The following RNF138 variants were observed in gnomAD, a reference collection of about 807,000 sequenced individuals.
RNF138 encodes E3 ubiquitin-protein ligase RNF138.
A neutral mutation model predicts 31.0 loss-of-function variants in RNF138; 12 were observed. The observed-to-expected ratio is 0.39, with a 90% CI of 0.25 to 0.63. The LOEUF (loss-of-function observed/expected upper bound fraction) is 0.63. Among genes scored for constraint, RNF138 ranks in the 20% least tolerant of loss-of-function variants. The pLI is 0.52. For missense variants in RNF138, 192 were observed against 300.1 expected (o/e 0.64, Z 2.66); for synonymous variants, 105 against 99.5 (o/e 1.06, Z -0.33).
At chr18:32,095,858 G>A (rs549301137) in intron 2 of RNF138, among the ~76,000 whole-genome samples, 1 of 152,350 alleles carries the variant, frequency 6.6e-6, no homozygotes, top group East Asian at 1.9e-4. Flanking sequence ...CCGCTGGAGA[G>A]ACCTATAAAT....
chr18:32,100,123 A>C (rs959687167), intron 2 of RNF138, among the ~76,000 whole-genome samples: 1 of 152,054 alleles, frequency 6.6e-6, no homozygotes, highest in African/African-American at 2.4e-5. Context: ...GGTGCCTAGC[A>C]CTGTTAGGTG....
chr18:32,099,679 T>G (rs1264831027), intron 2 of RNF138, among the ~76,000 whole-genome samples: 1 of 152,226 alleles, frequency 6.6e-6, no homozygotes, highest in Non-Finnish European at 1.5e-5. Context: ...GTGCTAGGAT[T>G]ACAGGTGTGA....
At chr18:32,097,958 GTGTGTGTGTGTGTGTGTGT>G (rs1271316047) in intron 2 of RNF138, among the ~76,000 whole-genome samples, 1 of 82,166 alleles carries the variant, frequency 1.2e-5, no homozygotes, top group Non-Finnish European at 2.5e-5. Context: ...GTGTGTGTGT[GTGTGTGTGTGTGTGTGTGT>G]TATTTTTGTT....
intron 2 of RNF138, among the ~76,000 whole-genome samples, chr18:32,106,463 ATCTGAT>A (rs1197711044): frequency 2.6e-5 from 4 of 152,190 alleles, no homozygotes; most frequent in African/African-American, 4.8e-5. Context: ...TTTGATGCTA[ATCTGAT>A]TCTCTTTCCT....
intron 2 of RNF138, among the ~76,000 whole-genome samples, chr18:32,106,630 T>C (rs2040033682): frequency 6.6e-6 from 1 of 152,034 alleles, no homozygotes. Flanking sequence ...AGTTGTGCGA[T>C]CTCGGTTCAT....
intron 3 of RNF138, among the ~76,000 whole-genome samples, chr18:32,112,443 T>C (rs143705121): frequency 0.029 from 4,400 of 152,222 alleles, 223 homozygotes; most frequent in African/African-American, 0.1. Flanking sequence ...CCAGCACTTA[T>C]GGGAGGCCAA....
chr18:32,100,250 C>G (rs1456800601), intron 2 of RNF138, among the ~76,000 whole-genome samples: 1 of 150,596 alleles, frequency 6.6e-6, no homozygotes, highest in Non-Finnish European at 1.5e-5. Flanking sequence ...GGGGAAGGAA[C>G]AGTAAAATTG....
chr18:32,093,861 AC>A (rs1363873686), intron 2 of RNF138, among the ~76,000 whole-genome samples: 1 of 152,208 alleles, frequency 6.6e-6, no homozygotes, highest in Non-Finnish European at 1.5e-5. Flanking sequence ...TCCCCGGGGA[AC>A]TTTTTAAGTA....
chr18:32,092,916 G>C, intron 2 of RNF138, 30 bp downstream of exon 2: 1 of 1,363,566 alleles, frequency 7.3e-7, no homozygotes, highest in African/African-American at 1.5e-5. Context: ...CCCTCGCGGA[G>C]CCGGGTTGTC....
rs1305573173 is a variant in RNF138 at position 32,105,754 on chromosome 18, A to T, written c.111-6000A>T. Among the ~76,000 whole-genome samples the T allele has an allele frequency of 2.6e-5, 4 of 152,350 alleles. No homozygotes were observed. The South Asian group carries it at 8.3e-4, about 32-fold the overall frequency. ...TGTCTAAAAGTTAAAAAATTTCCATATCGGAAGACCACAAGCAGCAAGGTT... is the reference window on the plus strand; with the variant it reads ...TGTCTAAAAGTTAAAAAATTTCCATTTCGGAAGACCACAAGCAGCAAGGTT... On this transcript the variant is annotated intron_variant, in intron 2 of 7. Transcript: ENST00000261593.
At chr18:32,120,511 T>C (rs2040286711) in intron 4 of RNF138, among the ~76,000 whole-genome samples, 1 of 152,196 alleles carries the variant, frequency 6.6e-6, no homozygotes, top group African/African-American at 2.4e-5. Context: ...GATTGAATTT[T>C]ATTGGTGTTT....
At chr18:32,125,532 AT>A (rs1484061625) in intron 6 of RNF138, among the ~76,000 whole-genome samples, 1 of 152,200 alleles carries the variant, frequency 6.6e-6, no homozygotes, top group African/African-American at 2.4e-5. Flanking sequence ...ATTTTGATAT[AT>A]AAATAATTGT....
At chr18:32,109,339 A>G (rs2040088800) in intron 2 of RNF138, 2 of 152,042 alleles carry the variant, frequency 1.3e-5, no homozygotes, top group Non-Finnish European at 2.9e-5. Context: ...GGGTTTCACC[A>G]TGTTGCCCAG....
At chr18:32,093,657 G>A (rs1451000650) in intron 2 of RNF138, among the ~76,000 whole-genome samples, 3 of 152,216 alleles carry the variant, frequency 2.0e-5, no homozygotes, top group Non-Finnish European at 4.4e-5. Flanking sequence ...GGAATGAGCC[G>A]AAATTGAGAT....
At chr18:32,122,741 T>G (rs549120398) in intron 4 of RNF138, among the ~76,000 whole-genome samples, 9 of 152,264 alleles carry the variant, frequency 5.9e-5, no homozygotes, top group Admixed American at 5.9e-4. Flanking sequence ...GAAAAATTGC[T>G]CGAACCCAGG....
intron 1 of RNF138, 60 bp from the exon 2 acceptor site, chr18:32,092,640 C>G: frequency 1.5e-6 from 1 of 659,032 alleles, no homozygotes; most frequent in Non-Finnish European, 2.8e-6. Flanking sequence ...GGGCCCCGCC[C>G]CCTTCCTGGC....
chr18:32,117,443 A>G (rs1324930562), intron 4 of RNF138, among the ~76,000 whole-genome samples: 1 of 152,176 alleles, frequency 6.6e-6, no homozygotes, highest in Non-Finnish European at 1.5e-5. Flanking sequence ...AACCTGAAGA[A>G]GAGAGCTGAA....
At chr18:32,100,240 G>C (rs1052451364) in intron 2 of RNF138, among the ~76,000 whole-genome samples, 2 of 150,870 alleles carry the variant, frequency 1.3e-5, no homozygotes, top group African/African-American at 4.9e-5. Flanking sequence ...TGGTTGTACA[G>C]GGGAAGGAAC....
intron 2 of RNF138, among the ~76,000 whole-genome samples, chr18:32,109,808 C>T (rs571503612): frequency 2.6e-5 from 4 of 152,232 alleles, no homozygotes; most frequent in African/African-American, 9.6e-5. Flanking sequence ...ATTACTTGAG[C>T]CCTGGAGGCA....
Sources: gnomAD v4.1 joint callset for allele counts (sites outside exome capture counted in the v4.1 genomes callset) on GRCh38, gnomAD v4.1.1 for gene constraint, MANE v1.5 for transcripts, NCBI Gene and HGNC (gene_info 2026-07-23, HGNC 2026-07-21) for gene names.